SLC23A2: variants seen among roughly 807,000 people sequenced by gnomAD.
SLC23A2 encodes Na(+)/L-ascorbic acid transporter 2.
In SLC23A2, 36 loss-of-function variants were observed where a neutral mutation model predicts 73.3. That is an observed-to-expected ratio of 0.49 (90% CI 0.38 to 0.65). The LOEUF (loss-of-function observed/expected upper bound fraction) is 0.65. SLC23A2 is among the 30% of genes least tolerant of loss of function. The pLI, the probability that SLC23A2 is intolerant of heterozygous loss-of-function variation, is 0.00. For synonymous variants in SLC23A2, 343 were observed against 327.3 expected, an observed-to-expected ratio of 1.05 and a Z score of -0.52; for missense variants, 507 against 841.6, an observed-to-expected ratio of 0.60 and a Z score of 4.92.
rs1206082706 is a variant in SLC23A2, at chr20:4,855,302, A to C, written c.*1670T>G. Reference sequence around the variant, plus strand: ...CTGGGGCCGAGGGGGACAGGAATGCACCGTGTGGACACCAGGCTGCCAAGA... The same window carrying C: ...CTGGGGCCGAGGGGGACAGGAATGCCCCGTGTGGACACCAGGCTGCCAAGA... On this transcript the variant is annotated 3_prime_UTR_variant, in exon 17 of 17. Coordinates refer to ENST00000338244, the MANE Select transcript of SLC23A2 (RefSeq NM_005116.6). 1 of 152,290 alleles carries C rather than the reference A, an allele frequency of 6.6e-6. No individual in the cohort carries two copies. Among genetic ancestry groups the C allele is most frequent in the African/African-American group, 2.4e-5 (1 of 41,448 alleles). The allele number at this position is 152,290 out of a possible 1,614,324, so 9.4% of individuals were successfully genotyped here. A position where few individuals can be genotyped will look rare whatever the true frequency, so the allele number is the denominator to read the frequency against.
In SLC23A2 at chr20:4,986,400, G is replaced by A. The variant is rs532358251; in HGVS notation, c.-282+15006C>T. 7.9e-5 allele frequency among the ~76,000 whole-genome samples: 12 copies of A among 152,060 alleles called. No individual in the cohort carries two copies. In the South Asian group the frequency reaches 1.3e-3, roughly 16 times the overall value. ...ACGATCTCGGCTCACTACAACCTCC[G>A]CCTCCTGGATTCAAGCAATTCTCCT... On this transcript the variant is annotated intron_variant, in intron 1 of 16. Transcript: ENST00000338244.
rs2122872958 is a variant in SLC23A2 at position 4,902,348 on chromosome 20, A to G, written c.324+94T>C. The G allele has an allele frequency of 2.7e-6, 2 of 732,038 alleles. No individual in the cohort carries two copies. Among genetic ancestry groups the G allele is most frequent in the South Asian group, 1.8e-5 (1 of 56,052 alleles). 45.3% of individuals were successfully genotyped at this position (732,038 alleles called of 1,614,324 possible). On this transcript the variant is annotated intron_variant, in intron 5 of 16. Transcript: ENST00000338244. The surrounding 1 kb of genome is among the most constrained non-coding windows in gnomAD (Gnocchi z 4.0). ...AGAGGAATTTATAAAAGTCTTCAATAAACAAAAACCAAAGTGGAATTTTTA... is the reference window on the plus strand; with the variant it reads ...AGAGGAATTTATAAAAGTCTTCAATGAACAAAAACCAAAGTGGAATTTTTA...
At position 4,891,617 on chromosome 20, in the gene SLC23A2, A is replaced by G. The variant is rs561756614; in HGVS notation, c.483-5708T>C. On this transcript the variant is annotated intron_variant, in intron 6 of 16. Transcript: ENST00000338244. ...CTCATCAGGTCTGCGTTGCTACACA[A>G]GGCTGTCCAGCCCTTGCTCGCTGTG... is the stretch of plus-strand genomic sequence containing the variant. 2.0e-5 allele frequency among the ~76,000 whole-genome samples: 3 copies of G among 152,328 alleles called. No homozygotes were observed. In the South Asian group the frequency reaches 6.2e-4, roughly 32 times the overall value.
intron 2 of SLC23A2, among the ~76,000 whole-genome samples, chr20:4,950,605 C>G (rs1195394266): frequency 6.6e-6 from 1 of 152,160 alleles, no homozygotes; most frequent in Admixed American, 6.5e-5. Flanking sequence ...AGACTTTGCC[C>G]TTCCCAGTCC....
chr20:4,905,949 A>C (rs1333876651), intron 4 of SLC23A2, among the ~76,000 whole-genome samples: 1 of 152,210 alleles, frequency 6.6e-6, no homozygotes, highest in Non-Finnish European at 1.5e-5. Context: ...GATTATCATA[A>C]AGTAGCATGT....
intron 11 of SLC23A2, among the ~76,000 whole-genome samples, chr20:4,871,638 T>A (rs1251646147): frequency 6.6e-6 from 1 of 152,180 alleles, no homozygotes; most frequent in Non-Finnish European, 1.5e-5. Context: ...GAATTGCTCC[T>A]GCCTCAGGCT....
At chr20:4,954,635 T>C (rs2087254035) in intron 2 of SLC23A2, among the ~76,000 whole-genome samples, 1 of 145,766 alleles carries the variant, frequency 6.9e-6, no homozygotes, top group Non-Finnish European at 1.5e-5. Flanking sequence ...GAGGTGGAGG[T>C]TGCAGTTGAG....
At chr20:4,939,480 T>A (rs1404360184) in intron 2 of SLC23A2, among the ~76,000 whole-genome samples, 1 of 152,188 alleles carries the variant, frequency 6.6e-6, no homozygotes, top group Non-Finnish European at 1.5e-5. Flanking sequence ...TCAGAGAACC[T>A]ACAATTACAT....
At chr20:4,939,500 C>T (rs2087009048) in intron 2 of SLC23A2, among the ~76,000 whole-genome samples, 1 of 152,222 alleles carries the variant, frequency 6.6e-6, no homozygotes. Context: ...TAGCGAGTTA[C>T]AAAACACATG....
chr20:4,971,190 G>C (rs2087554358), intron 1 of SLC23A2, among the ~76,000 whole-genome samples: 1 of 151,832 alleles, frequency 6.6e-6, no homozygotes, highest in African/African-American at 2.4e-5. Context: ...TTTTCAGCCA[G>C]GCACAGTGGC....
chr20:4,927,468 C>CA (rs1480326772), intron 3 of SLC23A2, among the ~76,000 whole-genome samples: 2 of 152,192 alleles, frequency 1.3e-5, no homozygotes, highest in Non-Finnish European at 2.9e-5. Context: ...ACGGGTCAGT[C>CA]ACCACCCACA....
At chr20:4,945,504 G>A (rs750760133) in intron 2 of SLC23A2, among the ~76,000 whole-genome samples, 2 of 151,988 alleles carry the variant, frequency 1.3e-5, no homozygotes, top group Non-Finnish European at 2.9e-5. Flanking sequence ...GGCTGGTCTC[G>A]AACTCCTGAG....
intron 2 of SLC23A2, among the ~76,000 whole-genome samples, chr20:4,961,546 A>AT (rs1275306134): frequency 4.6e-5 from 7 of 152,060 alleles, no homozygotes; most frequent in African/African-American, 7.2e-5. Flanking sequence ...ATTTTTTGCG[A>AT]TTTTTTTAAA....
intron 6 of SLC23A2, among the ~76,000 whole-genome samples, chr20:4,895,555 G>A (rs938971560): frequency 1.3e-5 from 2 of 152,044 alleles, no homozygotes; most frequent in Non-Finnish European, 2.9e-5. Flanking sequence ...TTAAAATTAG[G>A]CGAAATATAT....
At chr20:4,930,795 G>T (rs1187044853) in intron 3 of SLC23A2, among the ~76,000 whole-genome samples, 1 of 151,882 alleles carries the variant, frequency 6.6e-6, no homozygotes, top group East Asian at 1.9e-4. Flanking sequence ...CTCCAGCATG[G>T]GTGACAGAGC....
chr20:4,886,716 G>A (rs1054476232), intron 6 of SLC23A2, among the ~76,000 whole-genome samples: 2 of 152,170 alleles, frequency 1.3e-5, no homozygotes, highest in East Asian at 3.8e-4. Context: ...GTGACTTTAT[G>A]GGTTAGCATG....
chr20:4,953,351 T>A (rs541297470), intron 2 of SLC23A2, among the ~76,000 whole-genome samples: 32 of 151,668 alleles, frequency 2.1e-4, no homozygotes, highest in African/African-American at 7.5e-4. Flanking sequence ...AGAAATGTAA[T>A]TAAATAAAGC....
chr20:5,000,742 G>A (rs1218046565), intron 1 of SLC23A2, among the ~76,000 whole-genome samples: 1 of 152,094 alleles, frequency 6.6e-6, no homozygotes, highest in Non-Finnish European at 1.5e-5. Flanking sequence ...AAAATCCTGC[G>A]CCTTAAAGTA....
At chr20:4,966,906 C>T (rs1047685268) in intron 2 of SLC23A2, among the ~76,000 whole-genome samples, 1 of 149,620 alleles carries the variant, frequency 6.7e-6, no homozygotes, top group Non-Finnish European at 1.5e-5. Context: ...TTATTAATAT[C>T]CTACACAGTC....
Sources: allele counts gnomAD v4.1 joint callset (sites outside exome capture counted in the v4.1 genomes callset), GRCh38; gene constraint gnomAD v4.1.1; non-coding constraint Gnocchi (gnomAD v3.1); transcripts MANE v1.5; gene names NCBI Gene and HGNC (gene_info 2026-07-23, HGNC 2026-07-21).